The following PDE1B variants were observed in gnomAD, a reference collection of about 807,000 sequenced individuals.
PDE1B encodes dual specificity calcium/calmodulin-dependent 3',5'-cyclic nucleotide phosphodiesterase 1B.
Under a neutral mutation model 66.7 loss-of-function variants are expected in PDE1B, and 13 were observed. The ratio of observed to expected loss-of-function variants is 0.19; its 90% CI spans 0.13 to 0.31. The LOEUF (loss-of-function observed/expected upper bound fraction) is 0.31, where lower values mean the gene tolerates loss of function less well. Among genes scored for constraint, PDE1B ranks in the 10% least tolerant of loss-of-function variants. PDE1B has a pLI of 1.00. For synonymous variants in PDE1B, 230 were observed against 253.9 expected, an observed-to-expected ratio of 0.91 and a Z score of 0.90; for missense variants, 485 against 682.3, an observed-to-expected ratio of 0.71 and a Z score of 3.22.
Position 54,567,025 on chromosome 12 carries a change from G to C in PDE1B, c.165G>C (p.Glu55Asp). The C allele has an allele frequency of 6.2e-7, 1 of 1,612,782 alleles. No individual in the cohort carries two copies. Among genetic ancestry groups the C allele is most frequent in the Non-Finnish European group, 8.5e-7 (1 of 1,179,220 alleles). ...AGAATGGGGAGATAAACATTGAGGA[G>C]CTGAAGAAAAATCTGGAGTACACAG... ...QLENGEINIE[E>D]LKKNLEYTAS... The change falls in exon 3 of 16, where the codon GAG becomes GAC. Residue 55 changes from glutamate (E) to aspartate (D), a missense_variant. Coordinates refer to ENST00000243052, the MANE Select transcript of PDE1B (RefSeq NM_000924.4).
chr12:54,559,709 C>T (rs896053406), intron 2 of PDE1B, among the ~76,000 whole-genome samples: 3 of 152,134 alleles, frequency 2.0e-5, no homozygotes, highest in Non-Finnish European at 2.9e-5. Flanking sequence ...ATATCCTCTT[C>T]GAGGCTTTTC....
intron 2 of PDE1B, among the ~76,000 whole-genome samples, chr12:54,557,038 C>G (rs1162703902): frequency 6.6e-6 from 1 of 152,122 alleles, no homozygotes; most frequent in Non-Finnish European, 1.5e-5. Context: ...GTCCCTAGTT[C>G]TCTTCTCTGT....
intron 6 of PDE1B, chr12:54,571,812 G>A (rs1370045640): frequency 6.6e-6 from 1 of 152,182 alleles, no homozygotes; most frequent in African/African-American, 2.4e-5. Flanking sequence ...GGTGCGGGTG[G>A]GGGATGTTAG....
chr12:54,576,019 C>T lies in PDE1B; in HGVS notation c.1295C>T (p.Thr432Ile). ...TTCATCGACTTCATTGTGGAGCCCA[C>T]ATTCTCTGTGCTGACTGACGTGGCA... ...IGFIDFIVEP[T>I]FSVLTDVAEK... Residue 432 changes from threonine to isoleucine, a missense_variant, in exon 13 of 16, where the codon ACA (threonine) becomes ATA (isoleucine). This residue lies in a region of PDE1B where 126 missense variants were observed against 133.8 expected (regional missense o/e 0.94). Coordinates refer to ENST00000243052, the MANE Select transcript of PDE1B (RefSeq NM_000924.4). 6.2e-7 allele frequency: 1 copy of T among 1,613,668 alleles called. No homozygotes were observed. Among genetic ancestry groups the T allele is most frequent in the Non-Finnish European group, 8.5e-7 (1 of 1,179,506 alleles).
rs536530656 is a variant in PDE1B at position 54,565,082 on chromosome 12, G to T, written c.114-1892G>T. On this transcript the variant is annotated intron_variant, in intron 2 of 15. Coordinates refer to ENST00000243052, the MANE Select transcript of PDE1B (RefSeq NM_000924.4). ...ATTATGCAAATACATGCAAATGAGT[G>T]CCGTGGGTGTGGCTGCTCACTTTGG... Among the ~76,000 whole-genome samples, 209 of 152,346 alleles carry T rather than the reference G, an allele frequency of 1.4e-3. 2 individuals are homozygous for T. Among genetic ancestry groups the T allele is most frequent in the Non-Finnish European group, 1.1e-3 (74 of 68,036 alleles).
intron 2 of PDE1B, among the ~76,000 whole-genome samples, chr12:54,550,779 G>T (rs1478283524): frequency 6.6e-6 from 1 of 152,178 alleles, no homozygotes; most frequent in Non-Finnish European, 1.5e-5. Flanking sequence ...CAGTACCAGG[G>T]CATGTGGGGA....
rs1254776409 is a variant in PDE1B, at chr12:54,570,279, C to T, written c.516C>T (p.Asn172=). The T allele has an allele frequency of 3.1e-6, 5 of 1,613,350 alleles. No homozygotes were observed. Among genetic ancestry groups the T allele is most frequent in the Non-Finnish European group, 4.2e-6 (5 of 1,179,458 alleles). ...DLWCFDVFSL[N]QAADDHALRT... ...GGTGCTTTGATGTCTTTTCCTTGAA[C>T]CAGGCAGCAGATGACCATGCCCTGA... The change falls in exon 6 of 16, where the codon AAC becomes AAT. Residue 172 remains asparagine (N), a synonymous_variant. Coordinates refer to ENST00000243052, the MANE Select transcript of PDE1B (RefSeq NM_000924.4).
rs1380967266 is a variant in PDE1B at position 54,567,095 on chromosome 12, A to G, written c.227+8A>G. 2.9e-6 allele frequency: 4 copies of G among 1,375,946 alleles called. No individual in the cohort carries two copies. Among genetic ancestry groups the G allele is most frequent in the Non-Finnish European group, 3.1e-6 (3 of 969,478 alleles). The allele number at this position is 1,375,946 out of a possible 1,614,324, so 85.2% of individuals were successfully genotyped here. On this transcript the variant is annotated splice_region_variant and intron_variant, in intron 3 of 15. Transcript: ENST00000243052. ...CTACATAGATGAGACACGGTGAGAG[A>G]GACCGACAGACAGAGAAGGAGAAAG...
Position 54,569,015 on chromosome 12 carries a change from G to A in PDE1B, c.228-169G>A. The A allele has an allele frequency of 8.8e-7, 1 of 1,130,818 alleles. No homozygotes were observed. The allele number at this position is 1,130,818 out of a possible 1,614,324, so 70.0% of individuals were successfully genotyped here. On this transcript the variant is annotated intron_variant, in intron 3 of 15. Transcript: ENST00000243052. The surrounding 1 kb of genome is among the most constrained non-coding windows in gnomAD (Gnocchi z 4.4). ...CACATGGAGACCTGTTTCATTATTG[G>A]AGATGTTAGATAAAGAAATAAAAAG...
chr12:54,575,437 C>A lies in PDE1B; in HGVS notation c.1186-114C>A. On this transcript the variant is annotated intron_variant, in intron 11 of 15. Transcript: ENST00000243052. This position sits in a 1 kb window ranked among gnomAD's most constrained non-coding sequence, Gnocchi z 4.0. ...TGCATATTACTAATTTCCAGGTCAA[C>A]AGTGCAGAAATTTCACACAACAACC... The A allele has an allele frequency of 2.5e-6, 2 of 812,660 alleles. No homozygotes were observed. Among genetic ancestry groups the A allele is most frequent in the South Asian group, 1.4e-5 (1 of 70,162 alleles). The allele number at this position is 812,660 out of a possible 1,614,324, so 50.3% of individuals were successfully genotyped here.
intron 6 of PDE1B, chr12:54,572,320 T>G: frequency 2.6e-6 from 1 of 390,382 alleles, no homozygotes; most frequent in East Asian, 4.1e-5. Flanking sequence ...TTAGAGAGCA[T>G]TTACTAAATG....
rs1592359933 is a variant in PDE1B, at chr12:54,549,901, A to C, written c.29A>C (p.Glu10Ala). The C allele has an allele frequency of 6.2e-7, 1 of 1,613,664 alleles. No homozygotes were observed. Among genetic ancestry groups the C allele is most frequent in the East Asian group, 2.2e-5 (1 of 44,864 alleles). Residue 10 changes from glutamate (E) to alanine (A), a missense_variant, in exon 2 of 16, where the codon GAG (glutamate) becomes GCG (alanine). Around this residue, in one of 4 missense-constraint regions of PDE1B, gnomAD observed 74 missense variants for 78.7 expected, o/e 0.94. Coordinates refer to ENST00000243052, the MANE Select transcript of PDE1B (RefSeq NM_000924.4). The stretch of plus-strand genomic sequence containing the variant: ...GAGCTGTCCCCCCGCAGTCCTCCGG[A>C]GATGCTGGAGGAGTCGGATTGCCCG... MELSPRSPP[E>A]MLEESDCPSP...
At chr12:54,562,323 C>T (rs1244751588) in intron 2 of PDE1B, among the ~76,000 whole-genome samples, 1 of 152,190 alleles carries the variant, frequency 6.6e-6, no homozygotes, top group African/African-American at 2.4e-5. Context: ...CTGCCTAGAG[C>T]TAGGAGAGAC....
chr12:54,558,952 G>A (rs1400384482), intron 2 of PDE1B, among the ~76,000 whole-genome samples: 5 of 152,162 alleles, frequency 3.3e-5, no homozygotes, highest in African/African-American at 1.2e-4. Flanking sequence ...TGTGAAGCAT[G>A]TATTATTTAC....
At chr12:54,570,679 C>A in intron 6 of PDE1B, 1 of 270,206 alleles carries the variant, frequency 3.7e-6, no homozygotes, top group East Asian at 7.5e-5. Flanking sequence ...GCCTGGAGTT[C>A]AGATGCTGTC....
Position 54,561,316 on chromosome 12 carries a change from A to G in PDE1B, c.114-5658A>G, listed in dbSNP as rs60520159. 3.0e-3 allele frequency: 1,128 copies of G among 381,688 alleles called. 14 individuals carry two copies. The highest frequency in any genetic ancestry group is 0.022 in the African/African-American group (1,047 of 47,978). The allele number at this position is 381,688 out of a possible 1,614,324, so 23.6% of individuals were successfully genotyped here. On this transcript the variant is annotated intron_variant, in intron 2 of 15. Coordinates refer to ENST00000243052, the MANE Select transcript of PDE1B (RefSeq NM_000924.4). The stretch of plus-strand genomic sequence containing the variant: ...TGTCCTTTCTGGGCTTCTTCTGAGA[A>G]CAGATTCTTGTTTTCCGTCTGATTC...
At position 54,573,713 on chromosome 12, in the gene PDE1B, G is replaced by A; in HGVS notation, c.1064+4G>A. 2 of 1,610,704 alleles carry A rather than the reference G, an allele frequency of 1.2e-6. No homozygotes were observed. The highest frequency in any genetic ancestry group is 1.7e-6 in the Non-Finnish European group (2 of 1,177,038). On this transcript the variant is annotated splice_donor_region_variant and intron_variant, in intron 10 of 15. Transcript: ENST00000243052. The surrounding 1 kb of genome is among the most constrained non-coding windows in gnomAD (Gnocchi z 5.2). ...CAGCCTTGCAACAGCTGGAGAGGTG[G>A]CATCTGGTGGGGTGTGGCTGGGGCC...
chr12:54,577,385 C>T lies in PDE1B; in HGVS notation c.*17+40C>T, dbSNP rs770622937. 21 of 1,609,632 alleles carry T rather than the reference C, an allele frequency of 1.3e-5. No individual in the cohort carries two copies. The South Asian group carries it at 2.1e-4, about 16-fold the overall frequency. On this transcript the variant is annotated intron_variant, in intron 15 of 15. Transcript: ENST00000243052. ...GTGGAGGGTGTAGGAGAGCTGGTGT[C>T]TATCATGGCATCTTTGTTGGGTCGT...
chr12:54,561,761 C>A, intron 2 of PDE1B: 2 of 439,980 alleles, frequency 4.5e-6, no homozygotes, highest in South Asian at 4.3e-5. Flanking sequence ...ATGTTTTGTG[C>A]GTGTGTGTGT....
Sources: allele counts gnomAD v4.1 joint callset (sites outside exome capture counted in the v4.1 genomes callset), GRCh38; gene constraint gnomAD v4.1.1; regional missense constraint gnomAD v4.1.1; non-coding constraint Gnocchi (gnomAD v3.1); transcripts MANE v1.5; gene names NCBI Gene and HGNC (gene_info 2026-07-23, HGNC 2026-07-21).